Variants in C21orf58 observed in about 807,000 individuals in gnomAD.
C21orf58 encodes chromosome 21 open reading frame 58.
Under a neutral mutation model 35.8 loss-of-function variants are expected in C21orf58, and 34 were observed. The observed-to-expected ratio is 0.95, with a 90% CI of 0.72 to 1.26. The LOEUF is 1.26. Ranked by LOEUF, C21orf58 falls within the 50% of genes most tolerant of loss-of-function variation. C21orf58 has a pLI of 0.00. For missense variants in C21orf58, 440 were observed against 414.3 expected (o/e 1.06, Z -0.54); for synonymous variants, 191 against 175.8 (o/e 1.09, Z -0.68).
rs777143937 is a variant in C21orf58 at position 46,322,685 on chromosome 21, G to A, written c.54C>T (p.Asp18=). 4.4e-6 allele frequency: 7 copies of A among 1,586,598 alleles called. No homozygotes were observed. In the East Asian group the frequency reaches 9.3e-5, roughly 21 times the overall value. ...AGTCAGGAGAAGGAAGTTTCTGGCG[G>A]TCGAGCTTCCACGGCTTCCTGAGGG... ...ATSLRKPWKL[D]RQKLPSPDSG... The change falls in exon 1 of 8, where the codon GAC becomes GAT. Residue 18 remains aspartate, a synonymous_variant. Coordinates refer to ENST00000291691, the MANE Select transcript of C21orf58 (RefSeq NM_058180.5).
intron 6 of C21orf58, among the ~76,000 whole-genome samples, chr21:46,306,287 T>A (rs1447442212): frequency 6.6e-6 from 1 of 152,020 alleles, no homozygotes; most frequent in Non-Finnish European, 1.5e-5. Flanking sequence ...GGAGGGTGGA[T>A]CATGAGGTTC....
chr21:46,321,294 G>A (rs757356194), intron 1 of C21orf58, among the ~76,000 whole-genome samples: 5 of 152,048 alleles, frequency 3.3e-5, no homozygotes, highest in African/African-American at 4.8e-5. Context: ...TCAGCCTCTC[G>A]AGTAGCTGGG....
chr21:46,322,550 C>G, intron 1 of C21orf58, 89 bp downstream of exon 1: 1 of 1,332,018 alleles, frequency 7.5e-7, no homozygotes, highest in Admixed American at 3.6e-5. Flanking sequence ...CTGCCTGGCC[C>G]CTGCTCTAAT....
At chr21:46,318,891 G>A (rs930368354) in intron 1 of C21orf58, 35 of 979,842 alleles carry the variant, frequency 3.6e-5, no homozygotes, top group South Asian at 3.3e-4. Flanking sequence ...TAAACTCCAC[G>A]TTGATGAGTT....
Position 46,301,631 on chromosome 21 carries a change from C to T in C21orf58, c.*368G>A. The stretch of plus-strand genomic sequence containing the variant: ...TTTCTGGATGAAATCTTTATTTCAT[C>T]AGGCTGGTGGCGTCCACGGCCTCAA... On this transcript the variant is annotated 3_prime_UTR_variant, in exon 8 of 8. Coordinates refer to ENST00000291691, the MANE Select transcript of C21orf58 (RefSeq NM_058180.5). The T allele has an allele frequency of 9.4e-7, 1 of 1,061,018 alleles. No individual in the cohort carries two copies. The highest frequency in any genetic ancestry group is 1.1e-6 in the Non-Finnish European group (1 of 879,460). 65.7% of individuals were successfully genotyped at this position (1,061,018 alleles called of 1,614,324 possible). A position where few individuals can be genotyped will look rare whatever the true frequency, so the allele number is the denominator to read the frequency against.
rs537207658 is a variant in C21orf58 at position 46,321,282 on chromosome 21, C to T, written c.100+1357G>A. The stretch of plus-strand genomic sequence containing the variant: ...TTCCCAGTTTCAAGCGATTCTTCTG[C>T]CTCAGCCTCTCGAGTAGCTGGGACT... On this transcript the variant is annotated intron_variant, in intron 1 of 7. Transcript: ENST00000291691. Among the ~76,000 whole-genome samples, 20 of 152,280 alleles carry T rather than the reference C, an allele frequency of 1.3e-4. No homozygotes were observed. The South Asian group carries it at 2.3e-3, about 17-fold the overall frequency.
At chr21:46,318,543 A>T (rs2083058518) in intron 1 of C21orf58, 1 of 1,245,780 alleles carries the variant, frequency 8.0e-7, no homozygotes. Context: ...CCTGTGTGTC[A>T]GGGGAGGGCG....
At position 46,322,822 on chromosome 21, in the gene C21orf58, C is replaced by T. The variant is rs1012172125; in HGVS notation, c.-84G>A. 1 of 979,938 alleles carries T rather than the reference C, an allele frequency of 1.0e-6. No individual in the cohort carries two copies. The allele number at this position is 979,938 out of a possible 1,614,324, so 60.7% of individuals were successfully genotyped here. On this transcript the variant is annotated 5_prime_UTR_variant, in exon 1 of 8. Transcript: ENST00000291691. ...GCGAGATTCCAGGGCTTCCTGAGGG[C>T]GCGTTTAAGTTGCAGTTGCTGAGGA...
chr21:46,300,711 T>G (rs2082080015), downstream of C21orf58: 1 of 1,286,496 alleles, frequency 7.8e-7, no homozygotes, highest in African/African-American at 1.5e-5. Flanking sequence ...GGTCATCCTG[T>G]CTCCTACCTG....
chr21:46,308,038 G>A (rs1332163391), intron 6 of C21orf58, among the ~76,000 whole-genome samples: 1 of 151,760 alleles, frequency 6.6e-6, no homozygotes, highest in African/African-American at 2.4e-5. Context: ...CTGTCACCCA[G>A]GCTGGAGTAC....
intron 6 of C21orf58, among the ~76,000 whole-genome samples, chr21:46,307,954 A>T (rs1212724703): frequency 6.6e-6 from 1 of 152,168 alleles, no homozygotes; most frequent in Non-Finnish European, 1.5e-5. Context: ...TACTAGTGAG[A>T]ATATTAAATG....
At chr21:46,302,616 G>A (rs4365550) in intron 6 of C21orf58, 40 bp from the exon 7 acceptor site, 50,529 of 1,383,772 alleles carry the variant, frequency 0.037, 1,629 homozygotes, top group Non-Finnish European at 0.041. Context: ...TAAAGTTTCC[G>A]TTTTTCCTAT....
At chr21:46,320,289 G>C in intron 1 of C21orf58, among the ~76,000 whole-genome samples, 1 of 152,030 alleles carries the variant, frequency 6.6e-6, no homozygotes, top group East Asian at 1.9e-4. Context: ...TTTTGGTAGA[G>C]ATGGGGTTTC....
In C21orf58 at chr21:46,322,809, G is replaced by A. The variant is rs2083221091; in HGVS notation, c.-71C>T. On this transcript the variant is annotated 5_prime_UTR_variant, in exon 1 of 8. Transcript: ENST00000291691. The stretch of plus-strand genomic sequence containing the variant: ...AAAAAAATTCTGAGCGAGATTCCAG[G>A]GCTTCCTGAGGGCGCGTTTAAGTTG... 2 of 1,067,636 alleles carry A rather than the reference G, an allele frequency of 1.9e-6. No homozygotes were observed. The highest frequency in any genetic ancestry group is 3.1e-5 in the East Asian group (1 of 32,038). The allele number at this position is 1,067,636 out of a possible 1,614,324, so 66.1% of individuals were successfully genotyped here. A position where few individuals can be genotyped will look rare whatever the true frequency, so the allele number is the denominator to read the frequency against.
In C21orf58 at chr21:46,314,774, A is replaced by G. The variant is rs1465786246; in HGVS notation, c.551T>C (p.Leu184Pro). The change falls in exon 5 of 8, where the codon CTA (leucine) becomes CCA (proline). Residue 184 changes from leucine (L) to proline (P), a missense_variant. Transcript: ENST00000291691. ...CAGCGGGGATGGGGAGGCAGTGGGT[A>G]GGATGCCCGTGGGGGGCAGCTCTGG... ...LPPELPPTGI[L>P]PTASPSPLAP... is the part of the protein sequence containing the mutation. The G allele has an allele frequency of 5.9e-6, 9 of 1,521,838 alleles. No individual in the cohort carries two copies. Among genetic ancestry groups the G allele is most frequent in the Non-Finnish European group, 8.0e-6 (9 of 1,128,314 alleles). 94.3% of individuals were successfully genotyped at this position (1,521,838 alleles called of 1,614,324 possible). A position where few individuals can be genotyped will look rare whatever the true frequency, so the allele number is the denominator to read the frequency against.
intron 6 of C21orf58, 149 bp from the exon 7 acceptor site, chr21:46,302,725 G>A (rs2082170776): frequency 1.6e-6 from 1 of 635,516 alleles, no homozygotes; most frequent in African/African-American, 1.9e-5. Context: ...CACACGGTGC[G>A]GGTCCCCGGG....
rs760629611 is a variant in C21orf58 at position 46,314,755 on chromosome 21, G to A, written c.570C>T (p.Ser190=). The part of the protein sequence containing the change: ...PTGILPTASP[S]PLAPDPPRII... ...TCCTTGGCGGGTCTGGGGCCAGCGGGGATGGGGAGGCAGTGGGTAGGATGC... is the reference window on the plus strand; with the variant it reads ...TCCTTGGCGGGTCTGGGGCCAGCGGAGATGGGGAGGCAGTGGGTAGGATGC... Residue 190 remains serine (S), a synonymous_variant, in exon 5 of 8, where the codon TCC becomes TCT. Transcript: ENST00000291691. The A allele has an allele frequency of 1.3e-6, 2 of 1,507,120 alleles. No homozygotes were observed. The highest frequency in any genetic ancestry group is 2.1e-5 in the Admixed American group (1 of 48,020). The allele number at this position is 1,507,120 out of a possible 1,614,324, so 93.4% of individuals were successfully genotyped here. A position where few individuals can be genotyped will look rare whatever the true frequency, so the allele number is the denominator to read the frequency against.
chr21:46,313,144 C>A, intron 5 of C21orf58: 1 of 786,442 alleles, frequency 1.3e-6, no homozygotes, highest in Non-Finnish European at 1.5e-6. Context: ...CTTGAGTTGG[C>A]CATTGCAGCA....
intron 6 of C21orf58, among the ~76,000 whole-genome samples, chr21:46,304,490 A>C (rs1041885913): frequency 6.8e-6 from 1 of 147,918 alleles, no homozygotes; most frequent in Non-Finnish European, 1.5e-5. Context: ...TGTCTCTTAG[A>C]AAAAAAAAAA....
Sources: gnomAD v4.1 joint callset for allele counts (sites outside exome capture counted in the v4.1 genomes callset) on GRCh38, gnomAD v4.1.1 for gene constraint, MANE v1.5 for transcripts, NCBI Gene and HGNC (gene_info 2026-07-23, HGNC 2026-07-21) for gene names.